The following CTIF variants were observed in gnomAD, a reference collection of about 807,000 sequenced individuals.
CTIF encodes CBP80/20-dependent translation initiation factor.
A neutral mutation model predicts 66.0 loss-of-function variants in CTIF; 21 were observed. The ratio of observed to expected loss-of-function variants is 0.32; its 90% CI spans 0.23 to 0.46. The LOEUF is 0.46. Ranked by LOEUF, CTIF falls within the 20% of genes least tolerant of loss-of-function variation. The probability of loss-of-function intolerance (pLI) is 1.00; values close to 1 mark genes in which losing one functional copy is unlikely to be tolerated. For missense variants in CTIF, 739 were observed against 812.7 expected (o/e 0.91, Z 1.10); for synonymous variants, 345 against 326.4 (o/e 1.06, Z -0.62).
At chr18:48,720,440 G>A (rs993097573) in intron 7 of CTIF, among the ~76,000 whole-genome samples, 6 of 152,100 alleles carry the variant, frequency 3.9e-5, no homozygotes, top group South Asian at 2.1e-4. Context: ...CCCAGGGACC[G>A]CGAGACAGAT....
At chr18:48,689,811 C>G (rs888530163) in intron 6 of CTIF, among the ~76,000 whole-genome samples, 10 of 152,198 alleles carry the variant, frequency 6.6e-5, no homozygotes, top group Admixed American at 3.3e-4. Flanking sequence ...CTACCTTCCC[C>G]TGCCGCAGTT....
At chr18:48,677,978 T>A (rs111619162) in intron 6 of CTIF, among the ~76,000 whole-genome samples, 10 of 152,338 alleles carry the variant, frequency 6.6e-5, no homozygotes, top group African/African-American at 2.2e-4. Flanking sequence ...TTTCACAGAT[T>A]GGAGAACTGA....
chr18:48,597,198 A>G (rs868333596), intron 1 of CTIF, among the ~76,000 whole-genome samples: 2 of 152,196 alleles, frequency 1.3e-5, no homozygotes, highest in African/African-American at 4.8e-5. Context: ...CTGACTGCCT[A>G]CCTTGCATGA....
chr18:48,637,789 T>C (rs1358492969), intron 3 of CTIF, among the ~76,000 whole-genome samples: 1 of 152,012 alleles, frequency 6.6e-6, no homozygotes. Context: ...AAGGAGGCCA[T>C]AATAAGAGCC....
intron 9 of CTIF, among the ~76,000 whole-genome samples, chr18:48,777,421 C>G (rs1296064581): frequency 6.6e-6 from 1 of 152,198 alleles, no homozygotes; most frequent in Non-Finnish European, 1.5e-5. Flanking sequence ...AGCCCTGAGT[C>G]CAGAAACCTC....
intron 9 of CTIF, among the ~76,000 whole-genome samples, chr18:48,787,042 C>G (rs1476066256): frequency 6.6e-6 from 1 of 152,202 alleles, no homozygotes; most frequent in East Asian, 1.9e-4. Context: ...GGGAGGGGCC[C>G]TGTGGCTGGG....
At chr18:48,698,401 C>T (rs2092037911) in intron 6 of CTIF, among the ~76,000 whole-genome samples, 1 of 152,094 alleles carries the variant, frequency 6.6e-6, no homozygotes, top group South Asian at 2.1e-4. Flanking sequence ...TTTTCAGAGA[C>T]TGAGTCTCCT....
At chr18:48,769,690 G>A (rs920826193) in intron 9 of CTIF, among the ~76,000 whole-genome samples, 2 of 152,250 alleles carry the variant, frequency 1.3e-5, no homozygotes, top group Non-Finnish European at 2.9e-5. Context: ...TTGCCCCTGC[G>A]GCCAGAGCCA....
At chr18:48,829,444 C>T (rs1355056993) in intron 10 of CTIF, among the ~76,000 whole-genome samples, 2 of 152,172 alleles carry the variant, frequency 1.3e-5, no homozygotes, top group African/African-American at 4.8e-5. Flanking sequence ...CAAAAAATGG[C>T]CATCAGTTAC....
At position 48,783,772 on chromosome 18, in the gene CTIF, C is replaced by T. The variant is rs555804319; in HGVS notation, c.1371+22083C>T. On this transcript the variant is annotated intron_variant, in intron 9 of 11. Coordinates refer to ENST00000256413, the MANE Select transcript of CTIF (RefSeq NM_014772.3). ...TGTCTGCCGCAGGCTGCCACCATCC[C>T]GTAGGCCGGGGGAAACCTGCGGAGG... Among the ~76,000 whole-genome samples the T allele has an allele frequency of 8.7e-4, 132 of 152,324 alleles. 1 individual carries two copies. The highest frequency in any genetic ancestry group is 3.0e-3 in the African/African-American group (126 of 41,568).
intron 1 of CTIF, among the ~76,000 whole-genome samples, chr18:48,577,014 G>C (rs1471656233): frequency 6.6e-6 from 1 of 152,238 alleles, no homozygotes; most frequent in African/African-American, 2.4e-5. Context: ...GCGGGGACAG[G>C]GTCTGCCCAG....
chr18:48,854,589 C>T (rs2069283410), intron 10 of CTIF, among the ~76,000 whole-genome samples: 1 of 152,086 alleles, frequency 6.6e-6, no homozygotes, highest in Non-Finnish European at 1.5e-5. Flanking sequence ...CCTCAATGTC[C>T]ACCCTTCCCT....
At chr18:48,542,080 G>A (rs1322024138) in intron 1 of CTIF, among the ~76,000 whole-genome samples, 1 of 152,274 alleles carries the variant, frequency 6.6e-6, no homozygotes, top group East Asian at 1.9e-4. Context: ...AAAAAATAGA[G>A]TATATTATGC....
At position 48,579,547 on chromosome 18, in the gene CTIF, C is replaced by A. The variant is rs139457005; in HGVS notation, c.-28-39991C>A. Among the ~76,000 whole-genome samples, 119 of 152,286 alleles carry A rather than the reference C, an allele frequency of 7.8e-4. No homozygotes were observed. In the East Asian group the frequency reaches 0.019, roughly 24 times the overall value. ...TTTTGTTTTTCTTATATGCCTCTTT[C>A]CTACTAAAAAGTAACTTAGTTCTCT... On this transcript the variant is annotated intron_variant, in intron 1 of 11. Coordinates refer to ENST00000256413, the MANE Select transcript of CTIF (RefSeq NM_014772.3).
chr18:48,817,448 G>A lies in CTIF; in HGVS notation c.1527+72G>A, dbSNP rs372023244. 151 of 1,517,878 alleles carry A rather than the reference G, an allele frequency of 9.9e-5. 1 individual carries two copies. In the East Asian group the frequency reaches 1.0e-3, roughly 10 times the overall value. 94.0% of individuals were successfully genotyped at this position (1,517,878 alleles called of 1,614,324 possible). A position where few individuals can be genotyped will look rare whatever the true frequency, so the allele number is the denominator to read the frequency against. On this transcript the variant is annotated intron_variant, in intron 10 of 11. Coordinates refer to ENST00000256413, the MANE Select transcript of CTIF (RefSeq NM_014772.3). ...GGTCTGGAATGCGTCTCAGATAACT[G>A]GGACAAAGCTGTGAGGGTAGGCTCA...
intron 9 of CTIF, among the ~76,000 whole-genome samples, chr18:48,777,361 C>T (rs537606984): frequency 4.9e-4 from 75 of 152,312 alleles, no homozygotes; most frequent in African/African-American, 1.4e-3. Flanking sequence ...TGATGGTGAC[C>T]GCCACCAAGC....
At chr18:48,856,497 G>A (rs2069331054) in intron 10 of CTIF, among the ~76,000 whole-genome samples, 1 of 152,110 alleles carries the variant, frequency 6.6e-6, no homozygotes, top group Non-Finnish European at 1.5e-5. Context: ...GCTAAAAGGT[G>A]GAAACAACGC....
At chr18:48,707,034 G>A (rs771178780) in intron 6 of CTIF, among the ~76,000 whole-genome samples, 1 of 152,180 alleles carries the variant, frequency 6.6e-6, no homozygotes, top group African/African-American at 2.4e-5. Context: ...TGCTACAGAG[G>A]CACATCTGAC....
chr18:48,654,020 A>C (rs1186461091), intron 3 of CTIF, among the ~76,000 whole-genome samples: 2 of 152,168 alleles, frequency 1.3e-5, no homozygotes, highest in Non-Finnish European at 2.9e-5. Flanking sequence ...AACCATAAAA[A>C]CCCTAGAAGA....
Sources: gnomAD v4.1 joint callset for allele counts (sites outside exome capture counted in the v4.1 genomes callset) on GRCh38, gnomAD v4.1.1 for gene constraint, MANE v1.5 for transcripts, NCBI Gene and HGNC (gene_info 2026-07-23, HGNC 2026-07-21) for gene names.